Variants in PLXND1 observed in about 807,000 individuals in gnomAD.
The protein encoded by PLXND1 is plexin-D1.
Under a neutral mutation model 197.7 loss-of-function variants are expected in PLXND1, and 54 were observed. That is an observed-to-expected ratio of 0.27 (90% CI 0.22 to 0.34). The LOEUF (loss-of-function observed/expected upper bound fraction) is 0.34, where lower values mean the gene tolerates loss of function less well. Among genes scored for constraint, PLXND1 ranks in the 10% least tolerant of loss-of-function variants. PLXND1 has a pLI of 1.00. For missense variants in PLXND1, 2,127 were observed against 2,699.2 expected (o/e 0.79, Z 4.70); for synonymous variants, 1,180 against 1,161.2 (o/e 1.02, Z -0.33).
chr3:129,606,316 C>A lies in PLXND1; in HGVS notation c.324G>T (p.Gln108His). The A allele has an allele frequency of 6.6e-7, 1 of 1,512,068 alleles. No homozygotes were observed. Among genetic ancestry groups the A allele is most frequent in the Non-Finnish European group, 8.8e-7 (1 of 1,135,998 alleles). The allele number at this position is 1,512,068 out of a possible 1,614,324, so 93.7% of individuals were successfully genotyped here. Residue 108 changes from glutamine (Q) to histidine (H), a missense_variant, in exon 1 of 36, where the codon CAG (glutamine) becomes CAT (histidine). Around this residue, in one of 6 missense-constraint regions of PLXND1, gnomAD observed 245 missense variants for 267.1 expected, o/e 0.92. Coordinates refer to ENST00000324093, the MANE Select transcript of PLXND1 (RefSeq NM_015103.3). The part of the protein sequence containing the change: ...VPDSPLCHAP[Q>H]LPQASCEHPR... The stretch of plus-strand genomic sequence containing the variant: ...GGTGCTCGCACGAGGCCTGCGGCAG[C>A]TGCGGAGCGTGACACAGCGGGCTGT...
Position 129,556,037 on chromosome 3 carries a change from G to A in PLXND1, c.*275C>T, listed in dbSNP as rs2084967839. On this transcript the variant is annotated 3_prime_UTR_variant, in exon 36 of 36. Coordinates refer to ENST00000324093, the MANE Select transcript of PLXND1 (RefSeq NM_015103.3). ...GTTGTGGAGCAAGTGGGTGGGCACA[G>A]TGCAGGCCGTGCTGGGCAGATGGGG... 6 of 439,912 alleles carry A rather than the reference G, an allele frequency of 1.4e-5. No homozygotes were observed. The highest frequency in any genetic ancestry group is 1.2e-4 in the Admixed American group (3 of 25,986). 27.3% of individuals were successfully genotyped at this position (439,912 alleles called of 1,614,324 possible).
At position 129,578,423 on chromosome 3, in the gene PLXND1, T is replaced by A. The variant is rs2085343932; in HGVS notation, c.2252A>T (p.Asp751Val). 6.3e-7 allele frequency: 1 copy of A among 1,589,250 alleles called. No individual in the cohort carries two copies. Among genetic ancestry groups the A allele is most frequent in the Admixed American group, 1.8e-5 (1 of 55,524 alleles). ...EASPNPTSPQ[D>V]CPRTLLSPLA... is the part of the protein sequence containing the mutation. ...GGGTGAGAGCAGGGTCCGGGGGCAGTCCTGAGGGCTCTGCAGAGGAAACAG... is the reference window on the plus strand; with the variant it reads ...GGGTGAGAGCAGGGTCCGGGGGCAGACCTGAGGGCTCTGCAGAGGAAACAG... The change falls in exon 9 of 36, where the codon GAC becomes GTC. Residue 751 changes from aspartate (D) to valine (V), a missense_variant. Asp to Val is a radical substitution (Grantham distance 152). Coordinates refer to ENST00000324093, the MANE Select transcript of PLXND1 (RefSeq NM_015103.3).
chr3:129,597,189 G>C (rs1002380596), intron 1 of PLXND1, among the ~76,000 whole-genome samples: 1 of 152,234 alleles, frequency 6.6e-6, no homozygotes, highest in Admixed American at 6.5e-5. Context: ...GGAATGGCTA[G>C]ATCCAAGCCT....
At chr3:129,572,214 C>A (rs985176910) in intron 15 of PLXND1, among the ~76,000 whole-genome samples, 1 of 152,112 alleles carries the variant, frequency 6.6e-6, no homozygotes, top group African/African-American at 2.4e-5. Flanking sequence ...TCTTGGTGTC[C>A]CAGCAATGCC....
chr3:129,605,231 G>C (rs1576287829), intron 1 of PLXND1, 98 bp downstream of exon 1: 1 of 534,362 alleles, frequency 1.9e-6, no homozygotes, highest in Non-Finnish European at 2.8e-6. Flanking sequence ...GCTCCCACCT[G>C]TGACCCACTC....
Position 129,556,704 on chromosome 3 carries a change from A to T in PLXND1, c.5587-13T>A. On this transcript the variant is annotated splice_polypyrimidine_tract_variant and intron_variant, in intron 34 of 35. Transcript: ENST00000324093. ...CATTCTGGTATTTCTATAAGGAGGC[A>T]GGATGGGGAGGAGGTTAGCCCAGCG... 6.3e-7 allele frequency: 1 copy of T among 1,592,742 alleles called. No homozygotes were observed.
rs141012983 is a variant in PLXND1 at position 129,572,655 on chromosome 3, C to T, written c.3031G>A (p.Glu1011Lys). ...GTGTCGTTCACCAGGACCTGGAGCT[C>T]GGAGCCTACATGGAGGTCATTCCCA... ...IHGNDLHVGS[E>K]LQVLVNDTDP... Residue 1011 changes from glutamate to lysine, a missense_variant, in exon 15 of 36, where the codon GAG becomes AAG. Physicochemically the swap from Glu to Lys is moderately conservative, Grantham distance 56 (BLOSUM62 1). This residue lies in a region of PLXND1 where 1,095 missense variants were observed against 1,259.8 expected (regional missense o/e 0.87). Transcript: ENST00000324093. The T allele has an allele frequency of 3.0e-4, 479 of 1,601,320 alleles. 1 individual carries two copies. Among genetic ancestry groups the T allele is most frequent in the Non-Finnish European group, 3.7e-4 (431 of 1,173,534 alleles).
At chr3:129,568,803 C>T (rs1440044217) in intron 20 of PLXND1, among the ~76,000 whole-genome samples, 1 of 152,228 alleles carries the variant, frequency 6.6e-6, no homozygotes, top group East Asian at 1.9e-4. Context: ...CCCACCTTGG[C>T]CTCCCAAAGT....
At chr3:129,581,795 C>T (rs1208065177) in intron 8 of PLXND1, among the ~76,000 whole-genome samples, 2 of 152,240 alleles carry the variant, frequency 1.3e-5, no homozygotes, top group Admixed American at 6.5e-5. Flanking sequence ...CTAAGGCATA[C>T]AGCAGGCACT....
intron 8 of PLXND1, among the ~76,000 whole-genome samples, chr3:129,578,912 T>C (rs978172966): frequency 5.9e-5 from 9 of 152,004 alleles, no homozygotes; most frequent in African/African-American, 1.9e-4. Context: ...AAACAGCCCA[T>C]AGGAAAGGCA....
chr3:129,574,366 A>G lies in PLXND1; in HGVS notation c.2655T>C (p.Ala885=), dbSNP rs897136221. The stretch of plus-strand genomic sequence containing the variant: ...GGATCTCGGGGGCGGGGCAGGTGCC[A>G]GCCATGGGCTGCAGAGGCCCCCGCA... ...CRLRGPLQPM[A]GTCPAPEIHA... The change falls in exon 12 of 36, where the codon GCT becomes GCC. Residue 885 remains alanine (A), a synonymous_variant. Coordinates refer to ENST00000324093, the MANE Select transcript of PLXND1 (RefSeq NM_015103.3). 5 of 1,609,354 alleles carry G rather than the reference A, an allele frequency of 3.1e-6. 1 individual carries two copies. Among genetic ancestry groups the G allele is most frequent in the East Asian group, 4.5e-5 (2 of 44,722 alleles).
intron 11 of PLXND1, among the ~76,000 whole-genome samples, 157 bp from the exon 12 acceptor site, chr3:129,574,647 G>A (rs999623162): frequency 3.9e-5 from 6 of 152,354 alleles, no homozygotes; most frequent in Middle Eastern, 3.4e-3. Flanking sequence ...AGGATCCCCT[G>A]AGGTTCTTAG....
intron 7 of PLXND1, 114 bp from the exon 8 acceptor site, chr3:129,583,783 A>T: frequency 1.4e-6 from 1 of 700,426 alleles, no homozygotes; most frequent in Non-Finnish European, 2.5e-6. Context: ...CTTTCTCATC[A>T]TCGGGGCTGC....
rs367690642 is a variant in PLXND1, at chr3:129,557,095, G to A, written c.5574C>T (p.Ala1858=). Residue 1858 remains alanine (A), a synonymous_variant, in exon 34 of 36, where the codon GCC becomes GCT. Coordinates refer to ENST00000324093, the MANE Select transcript of PLXND1 (RefSeq NM_015103.3). The surrounding 1 kb of genome is among the most constrained non-coding windows in gnomAD (Gnocchi z 4.8). ...LSEQEMNAHL[A]EESRKYQNEF... ...CGAGCCACCGCACCCTCGACTCCTC[G>A]GCCAGATGGGCATTCATCTCTTGCT... The A allele has an allele frequency of 5.6e-5, 91 of 1,613,542 alleles. No individual in the cohort carries two copies. Among genetic ancestry groups the A allele is most frequent in the Non-Finnish European group, 7.3e-5 (86 of 1,179,948 alleles).
intron 12 of PLXND1, 69 bp downstream of exon 12, chr3:129,574,266 AC>A: frequency 7.0e-7 from 1 of 1,425,288 alleles, no homozygotes; most frequent in Non-Finnish European, 9.3e-7. Flanking sequence ...AAGAAGTGGG[AC>A]CCTCGAGGGC....
intron 13 of PLXND1, 95 bp downstream of exon 13, chr3:129,573,497 CAG>C: frequency 1.6e-6 from 2 of 1,231,424 alleles, no homozygotes; most frequent in Non-Finnish European, 2.3e-6. Context: ...CAGAAAGCAG[CAG>C]AGTGAGGACA....
intron 5 of PLXND1, among the ~76,000 whole-genome samples, chr3:129,585,369 C>T (rs1451675762): frequency 2.0e-5 from 3 of 152,346 alleles, no homozygotes; most frequent in South Asian, 2.1e-4. Flanking sequence ...TCGGCTCCCA[C>T]CCCTTGCCGG....
At position 129,567,791 on chromosome 3, in the gene PLXND1, A is replaced by G. The variant is rs1395787465; in HGVS notation, c.3880T>C (p.Cys1294Arg). The change falls in exon 21 of 36, where the codon TGT (cysteine) becomes CGT (arginine). Residue 1294 changes from cysteine to arginine, a missense_variant. Physicochemically the swap from Cys to Arg is radical, Grantham distance 180. Transcript: ENST00000324093. The part of the protein sequence containing the change: ...LLSVVALFVF[C>R]TKSRRAERYW... ...CGCTCAGCACGTCGGCTCTTGGTACAGAAGACGAACAGGGCTGCGGGCAGT... is the reference window on the plus strand; with the variant it reads ...CGCTCAGCACGTCGGCTCTTGGTACGGAAGACGAACAGGGCTGCGGGCAGT... 1.2e-6 allele frequency: 2 copies of G among 1,611,022 alleles called. No homozygotes were observed. The highest frequency in any genetic ancestry group is 1.7e-6 in the Non-Finnish European group (2 of 1,177,480).
chr3:129,584,178 G>T lies in PLXND1; in HGVS notation c.2085C>A (p.Ala695=), dbSNP rs763546260. The T allele has an allele frequency of 1.3e-6, 2 of 1,581,376 alleles. No homozygotes were observed. Among genetic ancestry groups the T allele is most frequent in the East Asian group, 4.6e-5 (2 of 43,824 alleles). ...VRVNGRNIVK[A]NFTIYDCSRT... is the part of the protein sequence containing the mutation. Reference sequence around the variant, plus strand: ...GGCTGCAGTCGTAGATGGTGAAATTGGCCTTGACGATGTTCCGCCCATTGA... The same window carrying T: ...GGCTGCAGTCGTAGATGGTGAAATTTGCCTTGACGATGTTCCGCCCATTGA... Residue 695 remains alanine, a synonymous_variant, in exon 7 of 36, where the codon GCC becomes GCA. Transcript: ENST00000324093.
Sources: allele counts gnomAD v4.1 joint callset (sites outside exome capture counted in the v4.1 genomes callset), GRCh38; gene constraint gnomAD v4.1.1; regional missense constraint gnomAD v4.1.1; non-coding constraint Gnocchi (gnomAD v3.1); transcripts MANE v1.5; gene names NCBI Gene and HGNC (gene_info 2026-07-23, HGNC 2026-07-21).